Variants in ADCY2 observed in about 807,000 individuals in gnomAD.
ADCY2 encodes the protein adenylate cyclase type 2.
In ADCY2, 31 loss-of-function variants were observed where a neutral mutation model predicts 125.2. That is an observed-to-expected ratio of 0.25 (90% CI 0.19 to 0.33). The LOEUF (loss-of-function observed/expected upper bound fraction) is 0.33, where lower values mean the gene tolerates loss of function less well. Among genes scored for constraint, ADCY2 ranks in the 10% least tolerant of loss-of-function variants. ADCY2 has a pLI of 1.00. For missense variants in ADCY2, 904 were observed against 1,418.2 expected, an observed-to-expected ratio of 0.64 and a Z score of 5.82; for synonymous variants, 512 against 548.4, an observed-to-expected ratio of 0.93 and a Z score of 0.93.
At position 7,601,682 on chromosome 5, in the gene ADCY2, T is replaced by A. The variant is rs762936848; in HGVS notation, c.571-24485T>A. ...CACAGAAACCTCAGGTCTGTCATCA[T>A]GTTCCTTCCAGACCCTTCATTCTTC... is the stretch of plus-strand genomic sequence containing the variant. On this transcript the variant is annotated intron_variant, in intron 3 of 24. Coordinates refer to ENST00000338316, the MANE Select transcript of ADCY2 (RefSeq NM_020546.3). 1.4e-3 allele frequency among the ~76,000 whole-genome samples: 207 copies of A among 152,158 alleles called. 2 individuals carry two copies. The highest frequency in any genetic ancestry group is 6.3e-4 in the Non-Finnish European group (43 of 68,026).
intron 22 of ADCY2, among the ~76,000 whole-genome samples, chr5:7,812,531 A>G (rs958413958): frequency 2.0e-5 from 3 of 152,212 alleles, no homozygotes; most frequent in Admixed American, 6.5e-5. Flanking sequence ...ACTATCATGA[A>G]GGAGACTAAG....
intron 2 of ADCY2, among the ~76,000 whole-genome samples, chr5:7,481,044 T>C (rs1742710693): frequency 6.6e-6 from 1 of 152,190 alleles, no homozygotes; most frequent in Admixed American, 6.5e-5. Context: ...TTTTTAGTTT[T>C]TGAGGACCCT....
chr5:7,534,676 C>T (rs1734759914), intron 3 of ADCY2, among the ~76,000 whole-genome samples: 1 of 152,198 alleles, frequency 6.6e-6, no homozygotes, highest in Admixed American at 6.5e-5. Flanking sequence ...GTTCTAATCC[C>T]TGGGCATTCC....
chr5:7,651,811 A>G lies in ADCY2; in HGVS notation c.720+25495A>G, dbSNP rs188273751. ...CGTCTTTTTATTTATTTATTTATTT[A>G]TTTGTTTGTTTAGATGGAGTCTCGC... is the stretch of plus-strand genomic sequence containing the variant. On this transcript the variant is annotated intron_variant, in intron 4 of 24. Coordinates refer to ENST00000338316, the MANE Select transcript of ADCY2 (RefSeq NM_020546.3). Among the ~76,000 whole-genome samples, 737 of 152,004 alleles carry G rather than the reference A, an allele frequency of 4.8e-3. 5 individuals carry two copies. Among genetic ancestry groups the G allele is most frequent in the African/African-American group, 0.016 (670 of 41,444 alleles).
rs193069388 is a variant in ADCY2, at chr5:7,666,418, G to A, written c.721-24273G>A. ...TGAGTAGCTGGGACTACAGGCGCCC[G>A]CCACCACGCCCGGCTAATTTTTTAT... On this transcript the variant is annotated intron_variant, in intron 4 of 24. Transcript: ENST00000338316. 3.0e-3 allele frequency among the ~76,000 whole-genome samples: 461 copies of A among 151,812 alleles called. 4 individuals carry two copies. The highest frequency in any genetic ancestry group is 9.8e-3 in the African/African-American group (407 of 41,402).
intron 3 of ADCY2, among the ~76,000 whole-genome samples, chr5:7,557,844 T>C (rs1440351450): frequency 6.6e-6 from 1 of 152,208 alleles, no homozygotes; most frequent in Non-Finnish European, 1.5e-5. Context: ...TCTGTCCTCA[T>C]AGTAGAATGA....
chr5:7,404,353 T>C (rs1739389823), intron 1 of ADCY2, among the ~76,000 whole-genome samples: 1 of 152,234 alleles, frequency 6.6e-6, no homozygotes. Flanking sequence ...TTATCTCCTG[T>C]TACGTCAGTC....
At chr5:7,668,713 T>C (rs1739837207) in intron 4 of ADCY2, among the ~76,000 whole-genome samples, 1 of 152,224 alleles carries the variant, frequency 6.6e-6, no homozygotes, top group African/African-American at 2.4e-5. Flanking sequence ...ACTTGTCTTA[T>C]AGCTAAGACA....
At chr5:7,432,864 T>C (rs1296434884) in intron 2 of ADCY2, among the ~76,000 whole-genome samples, 5 of 152,242 alleles carry the variant, frequency 3.3e-5, no homozygotes. Flanking sequence ...CAGGTGTTTA[T>C]GTATGTCAAA....
At chr5:7,448,971 A>G (rs541025279) in intron 2 of ADCY2, among the ~76,000 whole-genome samples, 3 of 152,276 alleles carry the variant, frequency 2.0e-5, no homozygotes, top group African/African-American at 4.8e-5. Context: ...AGAATGATTT[A>G]TATTCCTTTG....
At chr5:7,491,263 T>G (rs960359602) in intron 2 of ADCY2, among the ~76,000 whole-genome samples, 2 of 152,166 alleles carry the variant, frequency 1.3e-5, no homozygotes, top group African/African-American at 4.8e-5. Flanking sequence ...ATGATTTTTT[T>G]TTTTTTGAGA....
chr5:7,539,913 A>G (rs1187890854), intron 3 of ADCY2, among the ~76,000 whole-genome samples: 6 of 152,364 alleles, frequency 3.9e-5, no homozygotes, highest in African/African-American at 1.2e-4. Context: ...ATCACCCCAC[A>G]AAGTCCTTGA....
intron 4 of ADCY2, among the ~76,000 whole-genome samples, chr5:7,641,817 G>T (rs924685860): frequency 1.3e-5 from 2 of 151,616 alleles, no homozygotes; most frequent in Admixed American, 1.3e-4. Flanking sequence ...TAGGATTATG[G>T]CCTCTAGCTG....
chr5:7,400,463 A>C lies in ADCY2; in HGVS notation c.210+3957A>C, dbSNP rs78850152. On this transcript the variant is annotated intron_variant, in intron 1 of 24. Transcript: ENST00000338316. ...ATCAGAGAGGTTCTTTTGTGTGTACATAGAGAAAGAATCTTATTCTTCCAA... is the reference window on the plus strand; with the variant it reads ...ATCAGAGAGGTTCTTTTGTGTGTACCTAGAGAAAGAATCTTATTCTTCCAA... Among the ~76,000 whole-genome samples, 1,375 of 152,332 alleles carry C rather than the reference A, an allele frequency of 9.0e-3. 15 individuals are homozygous for C. The highest frequency in any genetic ancestry group is 0.031 in the African/African-American group (1,301 of 41,566).
chr5:7,446,585 A>C (rs773221338), intron 2 of ADCY2, among the ~76,000 whole-genome samples: 1 of 146,630 alleles, frequency 6.8e-6, no homozygotes, highest in Non-Finnish European at 1.5e-5. Context: ...TACATACATA[A>C]ATGTGAGTCT....
chr5:7,489,422 G>GT (rs1489709602), intron 2 of ADCY2, among the ~76,000 whole-genome samples: 1 of 152,130 alleles, frequency 6.6e-6, no homozygotes, highest in Non-Finnish European at 1.5e-5. Flanking sequence ...CTGTTTTCTT[G>GT]TTCCTCATCT....
chr5:7,675,321 A>G (rs917340148), intron 4 of ADCY2, among the ~76,000 whole-genome samples: 1 of 152,204 alleles, frequency 6.6e-6, no homozygotes, highest in Non-Finnish European at 1.5e-5. Context: ...ATTATTGATC[A>G]TTATTAAATA....
intron 3 of ADCY2, among the ~76,000 whole-genome samples, chr5:7,562,841 T>A (rs1735752514): frequency 6.6e-6 from 1 of 152,216 alleles, no homozygotes; most frequent in African/African-American, 2.4e-5. Flanking sequence ...CATTAATAAG[T>A]CATCAGATTT....
intron 2 of ADCY2, among the ~76,000 whole-genome samples, chr5:7,461,800 A>T (rs899522156): frequency 5.3e-5 from 8 of 152,246 alleles, no homozygotes; most frequent in Non-Finnish European, 7.3e-5. Context: ...AACTTTAAAA[A>T]TGTTTTGGTT....
Sources: allele counts gnomAD v4.1 joint callset (sites outside exome capture counted in the v4.1 genomes callset), GRCh38; gene constraint gnomAD v4.1.1; transcripts MANE v1.5; gene names NCBI Gene and HGNC (gene_info 2026-07-23, HGNC 2026-07-21).